Variants in DPP6 observed in about 807,000 individuals in gnomAD.
The protein encoded by DPP6 is A-type potassium channel modulatory protein DPP6.
Under a neutral mutation model 122.6 loss-of-function variants are expected in DPP6, and 69 were observed. That is an observed-to-expected ratio of 0.56 (90% confidence interval 0.46 to 0.69). The LOEUF (loss-of-function observed/expected upper bound fraction) is 0.69. DPP6 is among the 30% of genes least tolerant of loss of function. The probability of loss-of-function intolerance (pLI) is 0.00; values close to 1 mark genes in which losing one functional copy is unlikely to be tolerated. For synonymous variants in DPP6, 418 were observed against 433.1 expected (o/e 0.97, Z 0.43); for missense variants, 928 against 1,116.9 (o/e 0.83, Z 2.41).
intron 2 of DPP6, among the ~76,000 whole-genome samples, chr7:154,463,202 T>TG (rs1821454652): frequency 1.2e-5 from 1 of 85,276 alleles, no homozygotes; most frequent in Non-Finnish European, 2.3e-5. Flanking sequence ...TTTCTTTTTT[T>TG]TTTTTTTTTT....
At chr7:154,611,240 G>T (rs1308016425) in intron 5 of DPP6, among the ~76,000 whole-genome samples, 1 of 152,146 alleles carries the variant, frequency 6.6e-6, no homozygotes, top group African/African-American at 2.4e-5. Flanking sequence ...CTTTTTGATA[G>T]GAGACCTATA....
chr7:153,854,983 C>T, the DPP6 span, among the ~76,000 whole-genome samples: 1 of 144,196 alleles, frequency 6.9e-6, no homozygotes, highest in African/African-American at 2.6e-5. Context: ...TAAACTATCA[C>T]AAGAACAAAA....
intron 5 of DPP6, among the ~76,000 whole-genome samples, chr7:154,573,760 T>G (rs1831278305): frequency 6.6e-6 from 1 of 152,248 alleles, no homozygotes; most frequent in Non-Finnish European, 1.5e-5. Context: ...TGCGTGCAGT[T>G]TCATAATACT....
At chr7:154,070,906 C>A (rs1193147476) in intron 1 of DPP6, among the ~76,000 whole-genome samples, 15 of 152,060 alleles carry the variant, frequency 9.9e-5, no homozygotes, top group Non-Finnish European at 1.6e-4. Flanking sequence ...TGCCTTTAAT[C>A]CATCCTCTTT....
intron 8 of DPP6, 43 bp from the exon 9 acceptor site, chr7:154,769,374 T>C: frequency 1.9e-6 from 3 of 1,607,406 alleles, no homozygotes; most frequent in Non-Finnish European, 2.6e-6. Flanking sequence ...CAATTTCCAC[T>C]CACTTGTTAC....
At position 154,728,431 on chromosome 7, in the gene DPP6, G is replaced by C. The variant is rs1176258562; in HGVS notation, c.883+544G>C. 2.0e-5 allele frequency among the ~76,000 whole-genome samples: 3 copies of C among 152,198 alleles called. No homozygotes were observed. In the East Asian group the frequency reaches 5.8e-4, roughly 29 times the overall value. ...CCTTTGGCACCAGAAGACTCATGCT[G>C]TATACATTATTAAATAACTAGAAGT... On this transcript the variant is annotated intron_variant, in intron 8 of 25. Transcript: ENST00000377770.
chr7:154,764,154 G>A (rs758295561), intron 8 of DPP6, among the ~76,000 whole-genome samples: 2 of 152,106 alleles, frequency 1.3e-5, no homozygotes, highest in Non-Finnish European at 2.9e-5. Flanking sequence ...GTCCTTTCCC[G>A]GGCTTGGGTC....
At chr7:153,780,164 T>C in the DPP6 span, among the ~76,000 whole-genome samples, 1 of 152,098 alleles carries the variant, frequency 6.6e-6, no homozygotes, top group Non-Finnish European at 1.5e-5. Flanking sequence ...AGAAGTAAGC[T>C]GAGAATCAAA....
intron 1 of DPP6, among the ~76,000 whole-genome samples, chr7:154,078,946 CAAAAAAAAAAAAA>C (rs67950621): frequency 1.1e-4 from 12 of 112,592 alleles, no homozygotes; most frequent in African/African-American, 3.0e-4. Flanking sequence ...CATTCTTTTC[CAAAAAAAAAAAAA>C]AAAAAAAAAA....
intron 2 of DPP6, among the ~76,000 whole-genome samples, chr7:154,471,437 G>C (rs1005030013): frequency 6.6e-6 from 1 of 152,058 alleles, no homozygotes; most frequent in African/African-American, 2.4e-5. Flanking sequence ...CAACAGGAGG[G>C]CTTGGAAGGT....
At chr7:153,833,577 A>C in the DPP6 span, among the ~76,000 whole-genome samples, 1 of 152,048 alleles carries the variant, frequency 6.6e-6, no homozygotes, top group Non-Finnish European at 1.5e-5. Flanking sequence ...AGCCTGAGGC[A>C]GGTGAACTGC....
chr7:153,936,354 G>A (rs1481746877), intron 1 of DPP6, among the ~76,000 whole-genome samples: 1 of 152,172 alleles, frequency 6.6e-6, no homozygotes, highest in South Asian at 2.1e-4. Context: ...GGCTGGAGCG[G>A]CCAGGATGGG....
intron 21 of DPP6, among the ~76,000 whole-genome samples, chr7:154,881,450 G>A (rs1584970251): frequency 6.6e-6 from 1 of 152,300 alleles, no homozygotes; most frequent in East Asian, 1.9e-4. Flanking sequence ...TGAGGCCCAC[G>A]GTTTGGAGTT....
intron 1 of DPP6, among the ~76,000 whole-genome samples, chr7:153,983,429 G>T (rs1194668680): frequency 2.6e-5 from 4 of 152,246 alleles, no homozygotes; most frequent in Admixed American, 6.5e-5. Flanking sequence ...GTCAACTTCA[G>T]ACGGCTGTGC....
In DPP6 at chr7:153,957,230, T is replaced by C. The variant is rs1802502673; in HGVS notation, c.51+69496T>C. Among the ~76,000 whole-genome samples, 4 of 152,022 alleles carry C rather than the reference T, an allele frequency of 2.6e-5. No individual in the cohort carries two copies. The South Asian group carries it at 8.3e-4, about 32-fold the overall frequency. ...TCAGGGTACTGAGATGTCAGAAAAA[T>C]CAGTACAGAATGTGAGGGAGAAGGT... On this transcript the variant is annotated intron_variant, in intron 1 of 25. Transcript: ENST00000404039.
At chr7:154,290,761 A>G (rs1417898228) in intron 1 of DPP6, among the ~76,000 whole-genome samples, 2 of 151,848 alleles carry the variant, frequency 1.3e-5, no homozygotes, top group African/African-American at 4.8e-5. Context: ...GGCTTCTTAC[A>G]TGAGCCATTC....
At chr7:154,095,554 C>T (rs1339693624) in intron 1 of DPP6, 1 of 136,238 alleles carries the variant, frequency 7.3e-6, no homozygotes, top group Non-Finnish European at 1.6e-5. Flanking sequence ...AATAGAGTAA[C>T]AAGAAGTAGA....
the DPP6 span, among the ~76,000 whole-genome samples, chr7:153,879,754 G>T: frequency 6.6e-6 from 1 of 152,104 alleles, no homozygotes; most frequent in Non-Finnish European, 1.5e-5. Flanking sequence ...TGTAAACAAT[G>T]AATTCCTATA....
intron 3 of DPP6, among the ~76,000 whole-genome samples, chr7:154,511,938 G>A (rs1293767384): frequency 6.6e-6 from 1 of 152,204 alleles, no homozygotes; most frequent in Non-Finnish European, 1.5e-5. Flanking sequence ...TTTTCTAGAT[G>A]TGTGCTGGAC....
Sources: gnomAD v4.1 joint callset for allele counts (sites outside exome capture counted in the v4.1 genomes callset) on GRCh38, gnomAD v4.1.1 for gene constraint, MANE v1.5 for transcripts, NCBI Gene and HGNC (gene_info 2026-07-23, HGNC 2026-07-21) for gene names.